The following TCEA3 variants were observed in gnomAD, a reference collection of about 807,000 sequenced individuals.
TCEA3 encodes the protein transcription elongation factor A3.
A neutral mutation model predicts 44.0 loss-of-function variants in TCEA3; 36 were observed. That is an observed-to-expected ratio of 0.82 (90% CI 0.63 to 1.08). TCEA3 has a LOEUF of 1.08. Ranked by LOEUF, TCEA3 falls within the 50% of genes least tolerant of loss-of-function variation. TCEA3 has a pLI of 0.00. For missense variants in TCEA3, 392 were observed against 441.2 expected (o/e 0.89, Z 1.00); for synonymous variants, 162 against 159.7 (o/e 1.01, Z -0.11).
intron 2 of TCEA3, among the ~76,000 whole-genome samples, chr1:23,418,589 G>T (rs1639963667): frequency 2.0e-5 from 3 of 152,174 alleles, no homozygotes; most frequent in Admixed American, 2.0e-4. Flanking sequence ...TGGGATTACA[G>T]GTATGAGCCA....
intron 4 of TCEA3, among the ~76,000 whole-genome samples, chr1:23,414,251 C>G (rs1198837524): frequency 6.6e-6 from 1 of 151,758 alleles, no homozygotes; most frequent in African/African-American, 2.4e-5. Context: ...ACCACCATGC[C>G]CAGCTAATTT....
rs902477123 is a variant in TCEA3, at chr1:23,422,386, G to A, written c.69+2179C>T. Among the ~76,000 whole-genome samples the A allele has an allele frequency of 5.9e-5, 9 of 152,214 alleles. No homozygotes were observed. The East Asian group carries it at 9.6e-4, about 16-fold the overall frequency. ...TATGTGTGTGTATGTAGCTGTGACC[G>A]TAGGCACTTGGTTGCATGTTTGAAG... is the stretch of plus-strand genomic sequence containing the variant. On this transcript the variant is annotated intron_variant, in intron 1 of 10. Transcript: ENST00000450454.
At chr1:23,383,479 A>C (rs908073312) in intron 10 of TCEA3, 1 of 918,982 alleles carries the variant, frequency 1.1e-6, no homozygotes, top group African/African-American at 1.8e-5. Flanking sequence ...CCTCATATCA[A>C]AATGATCCTC....
chr1:23,423,644 G>C (rs1035745962), intron 1 of TCEA3, among the ~76,000 whole-genome samples: 1 of 152,198 alleles, frequency 6.6e-6, no homozygotes, highest in Non-Finnish European at 1.5e-5. Flanking sequence ...GAACAGGAAC[G>C]GGAGGTGGGA....
At chr1:23,416,807 G>A (rs1037106981) in intron 4 of TCEA3, among the ~76,000 whole-genome samples, 2 of 152,180 alleles carry the variant, frequency 1.3e-5, no homozygotes, top group Non-Finnish European at 2.9e-5. Context: ...AATCTTATAA[G>A]TGGCTATTGC....
At chr1:23,415,413 A>C (rs866329902) in intron 4 of TCEA3, among the ~76,000 whole-genome samples, 2 of 152,194 alleles carry the variant, frequency 1.3e-5, no homozygotes, top group Non-Finnish European at 2.9e-5. Flanking sequence ...CTGGATGCCT[A>C]CACTCCCCAT....
At chr1:23,416,905 G>A (rs559802543) in intron 4 of TCEA3, among the ~76,000 whole-genome samples, 4 of 152,134 alleles carry the variant, frequency 2.6e-5, no homozygotes, top group African/African-American at 4.8e-5. Context: ...TTGTTTCCCC[G>A]CACCTAGGCT....
intron 5 of TCEA3, among the ~76,000 whole-genome samples, chr1:23,405,292 G>A (rs1394072226): frequency 6.6e-6 from 1 of 152,056 alleles, no homozygotes; most frequent in African/African-American, 2.4e-5. Context: ...AGTCTGGGTA[G>A]GAGACAAATT....
At chr1:23,388,261 G>A (rs781566416) in intron 8 of TCEA3, among the ~76,000 whole-genome samples, 9 of 150,596 alleles carry the variant, frequency 6.0e-5, no homozygotes, top group Non-Finnish European at 8.9e-5. Context: ...GCAGTGGTGC[G>A]ATCTCGGCTC....
chr1:23,399,945 G>C (rs576698745), intron 5 of TCEA3, among the ~76,000 whole-genome samples: 1 of 152,156 alleles, frequency 6.6e-6, no homozygotes, highest in East Asian at 1.9e-4. Flanking sequence ...CAAAGTGTTG[G>C]GATTACAGGC....
intron 8 of TCEA3, among the ~76,000 whole-genome samples, chr1:23,387,886 T>C (rs1029392798): frequency 2.0e-5 from 3 of 152,136 alleles, no homozygotes; most frequent in African/African-American, 7.2e-5. Context: ...TTGGCGCAAC[T>C]ACCCATGACT....
At chr1:23,403,836 A>G in intron 5 of TCEA3, 1 of 481,846 alleles carries the variant, frequency 2.1e-6, no homozygotes, top group Non-Finnish European at 3.8e-6. Flanking sequence ...GGCAGGGCAC[A>G]CCCAGCCCTG....
intron 10 of TCEA3, among the ~76,000 whole-genome samples, chr1:23,383,084 C>A (rs928919171): frequency 6.6e-6 from 1 of 152,064 alleles, no homozygotes; most frequent in Admixed American, 6.5e-5. Flanking sequence ...TCAAGACCAT[C>A]CTGGCTAACA....
chr1:23,418,632 CCA>C (rs1469936278), intron 2 of TCEA3, among the ~76,000 whole-genome samples: 2 of 152,142 alleles, frequency 1.3e-5, no homozygotes, highest in Non-Finnish European at 2.9e-5. Flanking sequence ...TCTTTGAGCT[CCA>C]GTTTCAACTG....
chr1:23,399,604 G>A (rs779378200), intron 5 of TCEA3, among the ~76,000 whole-genome samples: 13 of 151,066 alleles, frequency 8.6e-5, no homozygotes, highest in African/African-American at 2.0e-4. Flanking sequence ...CATTTTCTTC[G>A]TTTGCTTATG....
At position 23,424,740 on chromosome 1, in the gene TCEA3, A is replaced by T; in HGVS notation, c.-107T>A. On this transcript the variant is annotated 5_prime_UTR_variant, in exon 1 of 11. Coordinates refer to ENST00000450454, the MANE Select transcript of TCEA3 (RefSeq NM_003196.3). Reference sequence around the variant, plus strand: ...CGCGCAACCCGCGCGGGCCCCAAACACACACGACACACACGCCCGGCGGGG... The same window carrying T: ...CGCGCAACCCGCGCGGGCCCCAAACTCACACGACACACACGCCCGGCGGGG... 1 of 698,012 alleles carries T rather than the reference A, an allele frequency of 1.4e-6. No homozygotes were observed. The highest frequency in any genetic ancestry group is 1.8e-5 in the South Asian group (1 of 55,434). 43.2% of individuals were successfully genotyped at this position (698,012 alleles called of 1,614,324 possible). A position where few individuals can be genotyped will look rare whatever the true frequency, so the allele number is the denominator to read the frequency against.
chr1:23,421,076 T>C (rs114732123), intron 1 of TCEA3, among the ~76,000 whole-genome samples: 76 of 152,244 alleles, frequency 5.0e-4, no homozygotes, highest in Middle Eastern at 3.4e-3. Flanking sequence ...TCACAGTAGG[T>C]TTTCAGAAGC....
Position 23,384,325 on chromosome 1 carries a change from G to A in TCEA3, c.1038+21C>T, listed in dbSNP as rs572257870. On this transcript the variant is annotated intron_variant, in intron 10 of 10. Transcript: ENST00000450454. ...AGGTATGTGGATAACAGGGAAGGGG[G>A]AAATACATAAACATACAGACCTTCC... 75 of 1,613,780 alleles carry A rather than the reference G, an allele frequency of 4.6e-5. No homozygotes were observed. The African/African-American group carries it at 6.4e-4, about 14-fold the overall frequency.
intron 5 of TCEA3, among the ~76,000 whole-genome samples, chr1:23,407,371 G>A (rs1244539468): frequency 6.6e-6 from 1 of 152,120 alleles, no homozygotes; most frequent in East Asian, 1.9e-4. Context: ...AGCAGCCAGA[G>A]CCATCCTGAT....
Sources: allele counts gnomAD v4.1 joint callset (sites outside exome capture counted in the v4.1 genomes callset), GRCh38; gene constraint gnomAD v4.1.1; transcripts MANE v1.5; gene names NCBI Gene and HGNC (gene_info 2026-07-23, HGNC 2026-07-21).